The following THAP3 variants were observed in gnomAD, a reference collection of about 807,000 sequenced individuals.
The protein encoded by THAP3 is THAP domain containing 3.
In THAP3, 12 loss-of-function variants were observed where a neutral mutation model predicts 17.7. That is an observed-to-expected ratio of 0.68 (90% CI 0.43 to 1.10). THAP3 has a LOEUF of 1.10. Ranked by LOEUF, THAP3 falls within the 50% of genes least tolerant of loss-of-function variation. The pLI, the probability that THAP3 is intolerant of heterozygous loss-of-function variation, is 0.00. For synonymous variants in THAP3, 133 were observed against 126.9 expected, an observed-to-expected ratio of 1.05 and a Z score of -0.32; for missense variants, 289 against 318.0, an observed-to-expected ratio of 0.91 and a Z score of 0.69.
intron 2 of THAP3, among the ~76,000 whole-genome samples, chr1:6,625,604 C>T (rs937913021): frequency 1.2e-4 from 16 of 134,350 alleles, no homozygotes; most frequent in African/African-American, 1.7e-4. Context: ...CTGCAGCCCC[C>T]GCCGCGCGCG....
At chr1:6,630,452 G>A (rs747073269) in intron 4 of THAP3, 99 bp downstream of exon 4, 280 of 1,216,960 alleles carry the variant, frequency 2.3e-4, no homozygotes, top group Non-Finnish European at 3.0e-4. Flanking sequence ...CAGGGCTGTC[G>A]CCTTTCCTCA....
At chr1:6,628,370 A>G (rs1557453806) in intron 2 of THAP3, 129 bp from the exon 3 acceptor site, 1 of 735,678 alleles carries the variant, frequency 1.4e-6, no homozygotes, top group South Asian at 2.0e-5. Context: ...ATGTGATTTA[A>G]TAAACCGAGA....
Position 6,633,480 on chromosome 1 carries a change from C to T in THAP3, c.*403C>T. ...GTGAGTGGTCCCCTCCTCCATCAGCCTGGACAGCCGCTCGGGGTTCTAAGG... is the reference window on the plus strand; with the variant it reads ...GTGAGTGGTCCCCTCCTCCATCAGCTTGGACAGCCGCTCGGGGTTCTAAGG... On this transcript the variant is annotated 3_prime_UTR_variant, in exon 6 of 6. Coordinates refer to ENST00000054650, the MANE Select transcript of THAP3 (RefSeq NM_001195753.2). 8.8e-7 allele frequency: 1 copy of T among 1,133,482 alleles called. No homozygotes were observed. The highest frequency in any genetic ancestry group is 1.1e-6 in the Non-Finnish European group (1 of 918,478). The allele number at this position is 1,133,482 out of a possible 1,614,324, so 70.2% of individuals were successfully genotyped here. A position where few individuals can be genotyped will look rare whatever the true frequency, so the allele number is the denominator to read the frequency against.
At chr1:6,629,311 C>T (rs1334103562) in intron 3 of THAP3, among the ~76,000 whole-genome samples, 1 of 152,212 alleles carries the variant, frequency 6.6e-6, no homozygotes, top group African/African-American at 2.4e-5. Context: ...CAGCAGCTCC[C>T]TGCATTGGTG....
Position 6,625,133 on chromosome 1 carries a change from C to A in THAP3, c.-69-17C>A. 7.1e-7 allele frequency: 1 copy of A among 1,417,446 alleles called. No homozygotes were observed. The highest frequency in any genetic ancestry group is 1.3e-5 in the South Asian group (1 of 79,204). The allele number at this position is 1,417,446 out of a possible 1,614,324, so 87.8% of individuals were successfully genotyped here. A position where few individuals can be genotyped will look rare whatever the true frequency, so the allele number is the denominator to read the frequency against. On this transcript the variant is annotated splice_polypyrimidine_tract_variant and intron_variant, in intron 1 of 5. Coordinates refer to ENST00000054650, the MANE Select transcript of THAP3 (RefSeq NM_001195753.2). ...AGGCCCGTCACCACCTCCCAGCGGC[C>A]CCGCCCCTCCCCGCAGGTCCCTCCC... is the stretch of plus-strand genomic sequence containing the variant.
At chr1:6,631,533 C>G (rs1641614533) in intron 4 of THAP3, among the ~76,000 whole-genome samples, 2 of 152,098 alleles carry the variant, frequency 1.3e-5, no homozygotes, top group African/African-American at 4.8e-5. Flanking sequence ...CTTTGGGAGG[C>G]CGAGGCAGGC....
At chr1:6,634,939 G>T, downstream of THAP3, 21 of 1,087,560 alleles carry the variant, frequency 1.9e-5, no homozygotes, top group Non-Finnish European at 2.5e-5. Context: ...ACACAGGCCA[G>T]CTCAAGCCCG....
downstream of THAP3, chr1:6,634,527 C>T (rs1256419708): frequency 7.3e-7 from 1 of 1,361,662 alleles, no homozygotes; most frequent in Non-Finnish European, 9.8e-7. Flanking sequence ...CCAGCTGTCT[C>T]AGCCACCACC....
chr1:6,631,842 G>A (rs1479910909), intron 4 of THAP3, among the ~76,000 whole-genome samples: 8 of 151,584 alleles, frequency 5.3e-5, no homozygotes, highest in African/African-American at 1.2e-4. Context: ...AGCTGAGATC[G>A]CACCACTTCA....
intron 4 of THAP3, among the ~76,000 whole-genome samples, chr1:6,631,286 G>A (rs1454898332): frequency 6.6e-6 from 1 of 151,570 alleles, no homozygotes; most frequent in African/African-American, 2.4e-5. Context: ...CAAAGTGCTG[G>A]AATTATAGGC....
intron 4 of THAP3, 71 bp downstream of exon 4, chr1:6,630,424 C>G: frequency 2.0e-6 from 3 of 1,515,240 alleles, no homozygotes; most frequent in Non-Finnish European, 2.7e-6. Context: ...GTGGGATTTT[C>G]CCAGCAAGGC....
In THAP3 at chr1:6,625,172, C is replaced by G; in HGVS notation, c.-47C>G. ...CAGGTCCCTCCCCTCTCCGCAGGCCCCGCCGCCGCCGCCATCTTTGTTGGG... is the reference window on the plus strand; with the variant it reads ...CAGGTCCCTCCCCTCTCCGCAGGCCGCGCCGCCGCCGCCATCTTTGTTGGG... On this transcript the variant is annotated 5_prime_UTR_variant, in exon 2 of 6. Transcript: ENST00000054650. 1 of 1,490,538 alleles carries G rather than the reference C, an allele frequency of 6.7e-7. No individual in the cohort carries two copies. Among genetic ancestry groups the G allele is most frequent in the South Asian group, 1.2e-5 (1 of 81,560 alleles). The allele number at this position is 1,490,538 out of a possible 1,614,324, so 92.3% of individuals were successfully genotyped here.
In THAP3 at chr1:6,627,371, ACTT is replaced by A. The variant is rs757913671; in HGVS notation, c.75-1124_75-1122del. Among the ~76,000 whole-genome samples, 31 of 152,212 alleles carry A rather than the reference ACTT, an allele frequency of 2.0e-4. 1 individual carries two copies. In the East Asian group the frequency reaches 5.6e-3, roughly 27 times the overall value. The stretch of plus-strand genomic sequence containing the variant: ...ATTTAACTCCTGACATAAAAAACAA[ACTT>A]CTTTTTTTGGAGACAGACTCTCACT... On this transcript the variant is annotated intron_variant, in intron 2 of 5. Coordinates refer to ENST00000054650, the MANE Select transcript of THAP3 (RefSeq NM_001195753.2).
rs767233065 is a variant in THAP3 at position 6,630,337 on chromosome 1, C to T, written c.317C>T (p.Ser106Phe). The T allele has an allele frequency of 6.2e-7, 1 of 1,614,122 alleles. No individual in the cohort carries two copies. The highest frequency in any genetic ancestry group is 8.5e-7 in the Non-Finnish European group (1 of 1,180,018). The part of the protein sequence containing the change: ...DPASERGNAS[S>F]SQKEKVLPEA... ...GCCAGTGAGAGAGGAAATGCCAGCT[C>T]TTCTCAGAAAGAAAAGGTGAGTGCA... The change falls in exon 4 of 6, where the codon TCT (serine) becomes TTT (phenylalanine). Residue 106 changes from serine (S) to phenylalanine (F), a missense_variant. Transcript: ENST00000054650.
downstream of THAP3, chr1:6,634,183 G>A (rs1319039177): frequency 1.1e-5 from 13 of 1,195,170 alleles, no homozygotes; most frequent in Non-Finnish European, 1.5e-5. Flanking sequence ...TTTCAGGAAA[G>A]GTTTATTGTG....
rs757787159 is a variant in THAP3 at position 6,632,382 on chromosome 1, C to T, written c.334-9C>T. 2.0e-5 allele frequency: 32 copies of T among 1,613,192 alleles called. No individual in the cohort carries two copies. The East Asian group carries it at 3.3e-4, about 17-fold the overall frequency. The stretch of plus-strand genomic sequence containing the variant: ...GGCTGTAGTGCAGACTTCACCCTGC[C>T]GTTCCCAGGTCCTCCCTGAGGCGGG... On this transcript the variant is annotated splice_polypyrimidine_tract_variant and intron_variant, in intron 4 of 5. Transcript: ENST00000054650.
chr1:6,625,043 C>G (rs1262767713), intron 1 of THAP3, 89 bp downstream of exon 1: 4 of 657,644 alleles, frequency 6.1e-6, no homozygotes, highest in Non-Finnish European at 7.4e-6. Context: ...GCCCCGGGTC[C>G]CGTCCGACCC....
At chr1:6,627,218 A>C (rs1442507128) in intron 2 of THAP3, among the ~76,000 whole-genome samples, 1 of 152,122 alleles carries the variant, frequency 6.6e-6, no homozygotes, top group Non-Finnish European at 1.5e-5. Flanking sequence ...TTCTAGCCAC[A>C]CTTGCTCCCC....
At chr1:6,632,726 G>T in intron 5 of THAP3, 70 bp from the exon 6 acceptor site, 1 of 1,583,910 alleles carries the variant, frequency 6.3e-7, no homozygotes. Flanking sequence ...TGCGTGTCTG[G>T]TGGCCTGCTC....
Sources: allele counts gnomAD v4.1 joint callset (sites outside exome capture counted in the v4.1 genomes callset), GRCh38; gene constraint gnomAD v4.1.1; transcripts MANE v1.5; gene names NCBI Gene and HGNC (gene_info 2026-07-23, HGNC 2026-07-21).